Variants in CEP192 observed in about 807,000 individuals in gnomAD.
CEP192 encodes the protein centrosomal protein 192.
A neutral mutation model predicts 271.8 loss-of-function variants in CEP192; 151 were observed. That is an observed-to-expected ratio of 0.56 (90% CI 0.49 to 0.64). The LOEUF (loss-of-function observed/expected upper bound fraction) is 0.64. Ranked by LOEUF, CEP192 falls within the 30% of genes least tolerant of loss-of-function variation. The pLI is 0.00. For missense variants in CEP192, 2,910 were observed against 3,020.5 expected (o/e 0.96, Z 0.86); for synonymous variants, 995 against 1,076.5 (o/e 0.92, Z 1.48).
rs758737187 is a variant in CEP192 at position 13,071,216 on chromosome 18, A to C, written c.5348+4A>C. 1 of 1,610,820 alleles carries C rather than the reference A, an allele frequency of 6.2e-7. No individual in the cohort carries two copies. The highest frequency in any genetic ancestry group is 1.7e-5 in the Admixed American group (1 of 59,694). ...GAGTCCCTCTAGGTAGAACACAGTAAGTGTCAAAGACTGACAAATCGTCCA... is the reference window on the plus strand; with the variant it reads ...GAGTCCCTCTAGGTAGAACACAGTACGTGTCAAAGACTGACAAATCGTCCA... On this transcript the variant is annotated splice_donor_region_variant and intron_variant, in intron 28 of 44. Transcript: ENST00000506447.
chr18:13,095,479 T>G (rs1262507475), intron 34 of CEP192, 24 bp from the exon 35 acceptor site: 9 of 1,576,246 alleles, frequency 5.7e-6, no homozygotes, highest in Non-Finnish European at 3.4e-6. Flanking sequence ...TGTCTAACTT[T>G]TTCATTTTTA....
At chr18:13,021,817 A>G (rs1232857216) in intron 9 of CEP192, among the ~76,000 whole-genome samples, 2 of 152,074 alleles carry the variant, frequency 1.3e-5, no homozygotes, top group African/African-American at 4.8e-5. Context: ...TATGTCTTTC[A>G]CTTCCTTGAT....
intron 33 of CEP192, among the ~76,000 whole-genome samples, chr18:13,091,768 T>C (rs2039158262): frequency 1.3e-5 from 2 of 152,136 alleles, no homozygotes; most frequent in African/African-American, 4.8e-5. Flanking sequence ...GATGTTTATC[T>C]TGAACACTCT....
chr18:13,114,238 G>T lies in CEP192; in HGVS notation c.7276G>T (p.Ala2426Ser). 1 of 1,613,470 alleles carries T rather than the reference G, an allele frequency of 6.2e-7. No individual in the cohort carries two copies. Among genetic ancestry groups the T allele is most frequent in the Non-Finnish European group, 8.5e-7 (1 of 1,179,858 alleles). The stretch of plus-strand genomic sequence containing the variant: ...AAGACAAGCTGTGTCAGAGGCTTCT[G>T]CTCGCATACCTGAGTATGTTGTTTT... ...PRRQAVSEAS[A>S]RIPEQLDVTA... Residue 2426 changes from alanine (A) to serine (S), a missense_variant, in exon 42 of 45, where the codon GCT becomes TCT. Ala to Ser is a moderately conservative substitution (Grantham distance 99). Coordinates refer to ENST00000506447, the MANE Select transcript of CEP192 (RefSeq NM_032142.4).
intron 30 of CEP192, among the ~76,000 whole-genome samples, chr18:13,078,689 G>T (rs1440270210): frequency 2.6e-5 from 4 of 152,014 alleles, no homozygotes; most frequent in Non-Finnish European, 4.4e-5. Context: ...CAACGTGCAG[G>T]TTTGTTACAT....
chr18:13,111,428 G>T (rs934385656), intron 40 of CEP192, among the ~76,000 whole-genome samples: 1 of 152,126 alleles, frequency 6.6e-6, no homozygotes, highest in African/African-American at 2.4e-5. Flanking sequence ...CCCGGCCTGA[G>T]TTGACACCTA....
At chr18:13,033,709 A>G (rs2035758030) in intron 11 of CEP192, among the ~76,000 whole-genome samples, 1 of 152,236 alleles carries the variant, frequency 6.6e-6, no homozygotes, top group Admixed American at 6.5e-5. Flanking sequence ...ACAAGGAGGT[A>G]CCCTGTGGCT....
intron 38 of CEP192, among the ~76,000 whole-genome samples, chr18:13,102,807 C>T (rs551337428): frequency 4.6e-5 from 7 of 152,266 alleles, no homozygotes; most frequent in African/African-American, 1.7e-4. Context: ...TGTTCTCCTG[C>T]GCGATGATGG....
At chr18:13,066,998 T>TGTGTGTGC (rs756403300) in intron 21 of CEP192, among the ~76,000 whole-genome samples, 1 of 150,812 alleles carries the variant, frequency 6.6e-6, no homozygotes, top group Non-Finnish European at 1.5e-5. Context: ...TGTGTGTGTG[T>TGTGTGTGC]GCCTGTATAA....
At chr18:13,061,494 G>T (rs1052842491) in intron 21 of CEP192, among the ~76,000 whole-genome samples, 2 of 152,200 alleles carry the variant, frequency 1.3e-5, no homozygotes, top group East Asian at 3.8e-4. Context: ...TAGTAACCTA[G>T]CTCAACGACT....
intron 28 of CEP192, 37 bp from the exon 29 acceptor site, chr18:13,072,718 G>A: frequency 1.5e-6 from 2 of 1,369,566 alleles, no homozygotes; most frequent in East Asian, 2.3e-5. Context: ...AATATCCATG[G>A]AGAAAAACCA....
chr18:13,114,330 TTTACCTGAGTTCAC>T (rs1318734313), intron 42 of CEP192, 79 bp downstream of exon 42: 2 of 1,460,862 alleles, frequency 1.4e-6, no homozygotes, highest in African/African-American at 2.8e-5. Flanking sequence ...GCTCGATGAC[TTTACCTGAGTTCAC>T]ATGTGTTACC....
At chr18:13,019,254 G>T (rs1599085365) in intron 9 of CEP192, 48 bp downstream of exon 9, 1 of 1,406,310 alleles carries the variant, frequency 7.1e-7, no homozygotes, top group Non-Finnish European at 9.3e-7. Context: ...AGGAATAAGG[G>T]GTCTTTTGTG....
At chr18:13,009,694 A>G (rs908256169) in intron 4 of CEP192, among the ~76,000 whole-genome samples, 2 of 152,190 alleles carry the variant, frequency 1.3e-5, no homozygotes, top group Admixed American at 6.5e-5. Context: ...TTAGCCAGAC[A>G]TCATGGTGGC....
Position 13,114,166 on chromosome 18 carries a change from C to A in CEP192, c.7204C>A (p.Leu2402Ile). 1 of 1,613,936 alleles carries A rather than the reference C, an allele frequency of 6.2e-7. No individual in the cohort carries two copies. The highest frequency in any genetic ancestry group is 8.5e-7 in the Non-Finnish European group (1 of 1,179,912). ...EAENEPENACLSTDSLIKIDH... is the reference protein window; with the variant it reads ...EAENEPENACISTDSLIKIDH... Reference sequence around the variant, plus strand: ...AGAAAATGAGCCTGAAAACGCATGCCTTTCCACGGATTCCCTCATTAAAAT... The same window carrying A: ...AGAAAATGAGCCTGAAAACGCATGCATTTCCACGGATTCCCTCATTAAAAT... The change falls in exon 42 of 45, where the codon CTT (leucine) becomes ATT (isoleucine). Residue 2402 changes from leucine (L) to isoleucine (I), a missense_variant. Leu to Ile is a conservative substitution (Grantham distance 5). Coordinates refer to ENST00000506447, the MANE Select transcript of CEP192 (RefSeq NM_032142.4).
intron 9 of CEP192, among the ~76,000 whole-genome samples, chr18:13,025,900 G>A (rs1189535098): frequency 6.6e-6 from 1 of 152,086 alleles, no homozygotes; most frequent in Non-Finnish European, 1.5e-5. Context: ...TATTAGACCA[G>A]TTAAAAATTA....
rs2038928184 is a variant in CEP192, at chr18:13,087,056, T to G, written c.5656T>G (p.Leu1886Val). 6.2e-7 allele frequency: 1 copy of G among 1,612,886 alleles called. No individual in the cohort carries two copies. ...SGYGGTSNLI[L>V]EGVKKLSDSY... ...ATATGGAGGAACAAGCAATCTTATT[T>G]TGGAAGGCGTTAAAAAATTATCTGA... The change falls in exon 31 of 45, where the codon TTG (leucine) becomes GTG (valine). Residue 1886 changes from leucine to valine, a missense_variant. By Grantham distance (32) the Leu-to-Val change is conservative. Coordinates refer to ENST00000506447, the MANE Select transcript of CEP192 (RefSeq NM_032142.4).
intron 33 of CEP192, 60 bp downstream of exon 33, chr18:13,089,625 A>G (rs1230449692): frequency 3.6e-5 from 28 of 773,270 alleles, no homozygotes; most frequent in Middle Eastern, 4.7e-4. Flanking sequence ...AGTATTATCT[A>G]TGTCCAATGA....
chr18:13,018,490 A>G lies in CEP192; in HGVS notation c.800A>G (p.Asn267Ser). The G allele has an allele frequency of 2.0e-6, 3 of 1,526,054 alleles. No homozygotes were observed. Among genetic ancestry groups the G allele is most frequent in the Non-Finnish European group, 1.8e-6 (2 of 1,131,978 alleles). 94.5% of individuals were successfully genotyped at this position (1,526,054 alleles called of 1,614,324 possible). A position where few individuals can be genotyped will look rare whatever the true frequency, so the allele number is the denominator to read the frequency against. ...PTNGLRQANE[N>S]GSLNCKFQSE... ...ATATTCTTTCAACAGGCAAATGAAA[A>G]CGGTAGCTTAAACTGCAAGTTTCAA... The change falls in exon 8 of 45, where the codon AAC (asparagine) becomes AGC (serine). Residue 267 changes from asparagine to serine, a missense_variant. Coordinates refer to ENST00000506447, the MANE Select transcript of CEP192 (RefSeq NM_032142.4).
Sources: allele counts gnomAD v4.1 joint callset (sites outside exome capture counted in the v4.1 genomes callset), GRCh38; gene constraint gnomAD v4.1.1; transcripts MANE v1.5; gene names NCBI Gene and HGNC (gene_info 2026-07-23, HGNC 2026-07-21).